Variants in GALNT13 observed in about 807,000 individuals in gnomAD.
GALNT13 encodes the protein UDP-GalNAc:polypeptide N-acetylgalactosaminyltransferase 13.
In GALNT13, 28 loss-of-function variants were observed where a neutral mutation model predicts 64.2. That is an observed-to-expected ratio of 0.44 (90% CI 0.32 to 0.60). GALNT13 has a LOEUF of 0.60. GALNT13 is among the 20% of genes least tolerant of loss of function. The pLI is 0.05. For missense variants in GALNT13, 577 were observed against 669.8 expected (o/e 0.86, Z 1.53); for synonymous variants, 214 against 224.6 (o/e 0.95, Z 0.42).
At chr2:153,628,904 T>C in the GALNT13 span, among the ~76,000 whole-genome samples, 2 of 152,156 alleles carry the variant, frequency 1.3e-5, no homozygotes, top group African/African-American at 2.4e-5. Flanking sequence ...TTGAATGGAA[T>C]AGTTTCAGAA....
At chr2:153,907,193 G>T (rs1471138076) in intron 2 of GALNT13, among the ~76,000 whole-genome samples, 1 of 151,634 alleles carries the variant, frequency 6.6e-6, no homozygotes, top group Non-Finnish European at 1.5e-5. Flanking sequence ...CCATTTTGTA[G>T]GTTGCCTTTT....
chr2:153,715,070 A>ATGCG, the GALNT13 span, among the ~76,000 whole-genome samples: 9 of 152,100 alleles, frequency 5.9e-5, no homozygotes, highest in African/African-American at 2.2e-4. Flanking sequence ...CTCTGGGGGC[A>ATGCG]TCATTCTTAG....
the GALNT13 span, among the ~76,000 whole-genome samples, chr2:153,380,396 C>A: frequency 6.6e-6 from 1 of 152,106 alleles, no homozygotes; most frequent in Admixed American, 6.6e-5. Context: ...TGCTTAAGCA[C>A]AAGAATTTGA....
chr2:153,285,656 T>C, the GALNT13 span, among the ~76,000 whole-genome samples: 4 of 152,196 alleles, frequency 2.6e-5, no homozygotes, highest in Admixed American at 1.3e-4. Context: ...GTATAGAATA[T>C]GTACTGCAAA....
the GALNT13 span, among the ~76,000 whole-genome samples, chr2:153,602,149 A>C: frequency 6.6e-6 from 1 of 151,904 alleles, no homozygotes; most frequent in Non-Finnish European, 1.5e-5. Context: ...ACAAAATAGC[A>C]GATAAGAAGA....
At chr2:153,790,488 C>A in the GALNT13 span, among the ~76,000 whole-genome samples, 2 of 152,088 alleles carry the variant, frequency 1.3e-5, no homozygotes, top group South Asian at 4.1e-4. Context: ...AACCCAAAGC[C>A]AACATCATAC....
the GALNT13 span, among the ~76,000 whole-genome samples, chr2:153,537,023 G>T: frequency 6.6e-6 from 1 of 152,192 alleles, no homozygotes; most frequent in South Asian, 2.1e-4. Flanking sequence ...CTTATTGGAG[G>T]TGAATATTGA....
chr2:153,293,773 GTGT>G, the GALNT13 span, among the ~76,000 whole-genome samples: 1 of 111,792 alleles, frequency 8.9e-6, no homozygotes, highest in Non-Finnish European at 1.9e-5. Context: ...GTGTGTGTGT[GTGT>G]GTGTGTGTGT....
chr2:154,111,726 ATAT>A (rs1702996880), intron 3 of GALNT13, among the ~76,000 whole-genome samples: 1 of 152,102 alleles, frequency 6.6e-6, no homozygotes, highest in Admixed American at 6.6e-5. Flanking sequence ...AGAGCACCAT[ATAT>A]TGGACGCTGA....
intron 4 of GALNT13, among the ~76,000 whole-genome samples, chr2:154,167,930 C>T (rs1211081439): frequency 1.3e-5 from 2 of 152,084 alleles, no homozygotes; most frequent in Non-Finnish European, 2.9e-5. Context: ...AAGAGCCTGA[C>T]CAGAGTAAAG....
the GALNT13 span, among the ~76,000 whole-genome samples, chr2:153,170,562 C>A: frequency 6.6e-6 from 1 of 152,174 alleles, no homozygotes; most frequent in African/African-American, 2.4e-5. Flanking sequence ...TGGCTAAGCA[C>A]CGAAGTGTCA....
intron 3 of GALNT13, among the ~76,000 whole-genome samples, chr2:154,022,574 A>G (rs553632746): frequency 6.6e-6 from 1 of 151,246 alleles, no homozygotes; most frequent in Admixed American, 6.6e-5. Context: ...CGTCTATCTG[A>G]TTCTTCTCTC....
the GALNT13 span, among the ~76,000 whole-genome samples, chr2:153,764,993 C>A: frequency 5.9e-5 from 9 of 152,216 alleles, no homozygotes; most frequent in Non-Finnish European, 1.2e-4. Context: ...TTGGAAAACT[C>A]CACCTAGCGT....
At chr2:154,389,749 A>C (rs707047) in intron 9 of GALNT13, among the ~76,000 whole-genome samples, 1 of 152,014 alleles carries the variant, frequency 6.6e-6, no homozygotes, top group Admixed American at 6.6e-5. Context: ...CCAGGGAGAC[A>C]AGAGAGCAGT....
intron 4 of GALNT13, among the ~76,000 whole-genome samples, chr2:154,187,678 A>G (rs939326331): frequency 2.6e-5 from 4 of 152,132 alleles, no homozygotes; most frequent in African/African-American, 9.7e-5. Context: ...TGTGAGCTCA[A>G]AACTGGATGT....
At chr2:154,007,635 A>G (rs1696345904) in intron 3 of GALNT13, among the ~76,000 whole-genome samples, 1 of 151,962 alleles carries the variant, frequency 6.6e-6, no homozygotes, top group Admixed American at 6.6e-5. Flanking sequence ...TCAAAAATTG[A>G]TATTATAGTT....
chr2:153,579,709 C>T, the GALNT13 span, among the ~76,000 whole-genome samples: 1 of 152,100 alleles, frequency 6.6e-6, no homozygotes, highest in African/African-American at 2.4e-5. Flanking sequence ...TGAGGAGGCA[C>T]AAGGTGTTAC....
the GALNT13 span, among the ~76,000 whole-genome samples, chr2:153,834,713 A>G: frequency 6.6e-6 from 1 of 152,114 alleles, no homozygotes; most frequent in Admixed American, 6.6e-5. Context: ...CTTCTATAGT[A>G]CACATTGATT....
At chr2:153,353,575 A>G in the GALNT13 span, among the ~76,000 whole-genome samples, 2 of 122,818 alleles carry the variant, frequency 1.6e-5, no homozygotes, top group African/African-American at 5.6e-5. Flanking sequence ...GCATGGTGTT[A>G]GCTGTAGGTT....
Sources: gnomAD v4.1 joint callset for allele counts (sites outside exome capture counted in the v4.1 genomes callset) on GRCh38, gnomAD v4.1.1 for gene constraint, MANE v1.5 for transcripts, NCBI Gene and HGNC (gene_info 2026-07-23, HGNC 2026-07-21) for gene names.